Variants in TENM3 observed in about 807,000 individuals in gnomAD.
TENM3 encodes the protein teneurin transmembrane protein 3, also known as teneurin-3.
In TENM3, 63 loss-of-function variants were observed where a neutral mutation model predicts 255.1. The ratio of observed to expected loss-of-function variants is 0.25; its 90% CI spans 0.20 to 0.30. The LOEUF (loss-of-function observed/expected upper bound fraction) is 0.30. Among genes scored for constraint, TENM3 ranks in the 10% least tolerant of loss-of-function variants. TENM3 has a pLI of 1.00. For missense variants in TENM3, 2,929 were observed against 3,461.1 expected, an observed-to-expected ratio of 0.85 and a Z score of 3.86; for synonymous variants, 1,306 against 1,322.3, an observed-to-expected ratio of 0.99 and a Z score of 0.27.
chr4:181,698,668 C>T, the TENM3 span, among the ~76,000 whole-genome samples: 4 of 152,156 alleles, frequency 2.6e-5, no homozygotes, highest in Non-Finnish European at 5.9e-5. Context: ...TCAAATCTGC[C>T]AAAAACTAGC....
At chr4:182,692,711 A>G (rs917438391) in intron 12 of TENM3, among the ~76,000 whole-genome samples, 1 of 152,224 alleles carries the variant, frequency 6.6e-6, no homozygotes, top group Non-Finnish European at 1.5e-5. Context: ...AAATCCTGGA[A>G]CAAGCTACTC....
At chr4:181,726,410 T>C in the TENM3 span, among the ~76,000 whole-genome samples, 1 of 152,196 alleles carries the variant, frequency 6.6e-6, no homozygotes. Context: ...TAACACTCTA[T>C]GTAGGTGTTA....
At chr4:182,745,552 G>A (rs1761944299) in intron 19 of TENM3, among the ~76,000 whole-genome samples, 1 of 152,164 alleles carries the variant, frequency 6.6e-6, no homozygotes, top group Non-Finnish European at 1.5e-5. Flanking sequence ...TGTTATTGCA[G>A]ATCCACACAG....
the TENM3 span, among the ~76,000 whole-genome samples, chr4:181,736,832 G>C: frequency 6.6e-6 from 1 of 152,052 alleles, no homozygotes; most frequent in South Asian, 2.1e-4. Flanking sequence ...ACAGGAACTA[G>C]TGGAGGCCCA....
At chr4:181,485,670 G>T in the TENM3 span, among the ~76,000 whole-genome samples, 1 of 152,022 alleles carries the variant, frequency 6.6e-6, no homozygotes, top group Non-Finnish European at 1.5e-5. Flanking sequence ...GTATGAAATT[G>T]GCACATAGAA....
the TENM3 span, among the ~76,000 whole-genome samples, chr4:182,066,279 T>C: frequency 6.6e-6 from 1 of 152,182 alleles, no homozygotes; most frequent in Non-Finnish European, 1.5e-5. Flanking sequence ...TTGTTGACCA[T>C]TTATACACCC....
chr4:181,691,304 A>G, the TENM3 span, among the ~76,000 whole-genome samples: 6 of 151,972 alleles, frequency 3.9e-5, no homozygotes, highest in African/African-American at 1.4e-4. Flanking sequence ...GTGTATAAGT[A>G]TATGTATACA....
At chr4:182,577,435 T>C (rs542670611) in intron 3 of TENM3, among the ~76,000 whole-genome samples, 1 of 152,316 alleles carries the variant, frequency 6.6e-6, no homozygotes, top group East Asian at 1.9e-4. Context: ...GCAAGAATTG[T>C]GTCTTACTCC....
intron 3 of TENM3, among the ~76,000 whole-genome samples, chr4:182,439,165 T>C (rs938763663): frequency 6.6e-5 from 10 of 152,244 alleles, no homozygotes; most frequent in African/African-American, 2.4e-4. Context: ...TCTGTGAAGT[T>C]TGTTATCACT....
At chr4:182,385,339 A>G (rs1767842603) in intron 3 of TENM3, among the ~76,000 whole-genome samples, 1 of 134,694 alleles carries the variant, frequency 7.4e-6, no homozygotes, top group African/African-American at 2.8e-5. Flanking sequence ...ATCTCCACTC[A>G]CTGCAACCTC....
At chr4:182,037,377 A>G in the TENM3 span, among the ~76,000 whole-genome samples, 1 of 152,096 alleles carries the variant, frequency 6.6e-6, no homozygotes, top group Non-Finnish European at 1.5e-5. Flanking sequence ...CAAACCCCTG[A>G]CCTCAAGTGA....
intron 1 of TENM3, among the ~76,000 whole-genome samples, chr4:182,166,070 A>G (rs529696684): frequency 7.9e-5 from 12 of 152,190 alleles, no homozygotes; most frequent in South Asian, 2.1e-4. Context: ...GAGCCACCGC[A>G]CCCGGCCTGT....
chr4:181,752,481 G>A, the TENM3 span, among the ~76,000 whole-genome samples: 1 of 152,096 alleles, frequency 6.6e-6, no homozygotes, highest in African/African-American at 2.4e-5. Flanking sequence ...GAACCCTGGA[G>A]GCGGATGTTT....
At chr4:181,577,205 A>AATAT in the TENM3 span, among the ~76,000 whole-genome samples, 1 of 127,848 alleles carries the variant, frequency 7.8e-6, no homozygotes, top group African/African-American at 2.9e-5. Flanking sequence ...TATTATATAT[A>AATAT]TATATTTTTT....
chr4:182,618,898 T>A (rs544722484), intron 4 of TENM3, among the ~76,000 whole-genome samples: 35 of 152,176 alleles, frequency 2.3e-4, no homozygotes, highest in African/African-American at 8.4e-4. Context: ...AAAGAAATGC[T>A]ATAAAGGAAA....
chr4:182,543,144 A>G (rs1042885182), intron 3 of TENM3, among the ~76,000 whole-genome samples: 2 of 152,028 alleles, frequency 1.3e-5, no homozygotes, highest in Admixed American at 6.6e-5. Context: ...CATGGATGCA[A>G]GGATGGAGGG....
chr4:182,262,755 C>T (rs183119238), intron 1 of TENM3, among the ~76,000 whole-genome samples: 2 of 148,848 alleles, frequency 1.3e-5, no homozygotes, highest in African/African-American at 5.0e-5. Flanking sequence ...GGAATCTCGC[C>T]CAGGCTGGAA....
chr4:181,833,437 G>A, the TENM3 span, among the ~76,000 whole-genome samples: 1 of 152,108 alleles, frequency 6.6e-6, no homozygotes, highest in Non-Finnish European at 1.5e-5. Context: ...AAAATGCTGA[G>A]TTATCTAACT....
chr4:182,297,974 TCTGCCCAGGCAC>T (rs1761601401), intron 1 of TENM3, among the ~76,000 whole-genome samples: 1 of 152,218 alleles, frequency 6.6e-6, no homozygotes, highest in Non-Finnish European at 1.5e-5. Flanking sequence ...TGCTGCGGCT[TCTGCCCAGGCAC>T]CTTGGTCACT....
Sources: allele counts gnomAD v4.1 joint callset (sites outside exome capture counted in the v4.1 genomes callset), GRCh38; gene constraint gnomAD v4.1.1; transcripts MANE v1.5; gene names NCBI Gene and HGNC (gene_info 2026-07-23, HGNC 2026-07-21).